Variants in WDPCP observed in about 807,000 individuals in gnomAD.
WDPCP encodes the protein WD repeat containing planar cell polarity effector.
Under a neutral mutation model 93.1 loss-of-function variants are expected in WDPCP, and 71 were observed. That is an observed-to-expected ratio of 0.76 (90% confidence interval 0.63 to 0.93). The LOEUF (loss-of-function observed/expected upper bound fraction) is 0.93. Among genes scored for constraint, WDPCP ranks in the 40% least tolerant of loss-of-function variants. The probability of loss-of-function intolerance (pLI) is 0.00; values close to 1 mark genes in which losing one functional copy is unlikely to be tolerated. For synonymous variants in WDPCP, 315 were observed against 315.0 expected (o/e 1.00, Z 0.00); for missense variants, 844 against 887.4 (o/e 0.95, Z 0.62).
Position 63,216,404 on chromosome 2 carries a change from C to G in WDPCP, c.1916-41572G>C, listed in dbSNP as rs988631464. Among the ~76,000 whole-genome samples, 4 of 152,166 alleles carry G rather than the reference C, an allele frequency of 2.6e-5. No homozygotes were observed. The East Asian group carries it at 7.7e-4, about 29-fold the overall frequency. ...AAAAAAGGATGAGTTCATGTCCATTCTAGGGACATGGATGAAGCTGGAAAC... is the reference window on the plus strand; with the variant it reads ...AAAAAAGGATGAGTTCATGTCCATTGTAGGGACATGGATGAAGCTGGAAAC... On this transcript the variant is annotated intron_variant, in intron 14 of 17. Transcript: ENST00000272321.
intron 13 of WDPCP, among the ~76,000 whole-genome samples, chr2:63,309,868 A>G (rs1414718355): frequency 2.6e-5 from 4 of 152,168 alleles, no homozygotes; most frequent in Admixed American, 6.5e-5. Flanking sequence ...AAAAGAAACC[A>G]CAAGGGAAAT....
chr2:63,276,800 T>C (rs1046883038), intron 13 of WDPCP, among the ~76,000 whole-genome samples: 1 of 152,190 alleles, frequency 6.6e-6, no homozygotes, highest in African/African-American at 2.4e-5. Flanking sequence ...CTGGAAAACA[T>C]ATTTGAGGGA....
At chr2:63,783,512 A>T (rs963376677) in intron 2 of WDPCP, among the ~76,000 whole-genome samples, 6 of 152,216 alleles carry the variant, frequency 3.9e-5, no homozygotes, top group African/African-American at 1.4e-4. Flanking sequence ...AAAGAAATGG[A>T]ATCAAACTAA....
chr2:63,637,703 C>T (rs1709936304), intron 3 of WDPCP, among the ~76,000 whole-genome samples: 1 of 152,114 alleles, frequency 6.6e-6, no homozygotes, highest in Non-Finnish European at 1.5e-5. Context: ...CACTAACCAT[C>T]AGGGAAATGC....
chr2:63,377,016 C>G (rs1400366826), intron 12 of WDPCP, among the ~76,000 whole-genome samples: 1 of 151,780 alleles, frequency 6.6e-6, no homozygotes, highest in Non-Finnish European at 1.5e-5. Flanking sequence ...AGTTACCAAA[C>G]AGTCTACTCT....
intron 12 of WDPCP, among the ~76,000 whole-genome samples, chr2:63,329,676 G>T (rs965451482): frequency 2.6e-5 from 4 of 152,068 alleles, no homozygotes; most frequent in African/African-American, 9.7e-5. Flanking sequence ...TTTTAAATGT[G>T]AAATATCCAA....
In WDPCP at chr2:63,404,051, G is replaced by A; in HGVS notation, c.1432C>T (p.Leu478=). Residue 478 remains leucine (L), a synonymous_variant, in exon 10 of 18, where the codon CTA becomes TTA. Transcript: ENST00000272321. The part of the protein sequence containing the change: ...RGPLGVLLFK[L]GVFTRGQLGL... The stretch of plus-strand genomic sequence containing the variant: ...CTCATCACTTTCCTTGACTTACCTA[G>A]TTTAAACAACAGCACACCCAAAGGT... 6.2e-7 allele frequency: 1 copy of A among 1,614,004 alleles called. No individual in the cohort carries two copies. The highest frequency in any genetic ancestry group is 8.5e-7 in the Non-Finnish European group (1 of 1,179,948).
At chr2:63,530,908 T>G (rs1703783760) in intron 1 of WDPCP, among the ~76,000 whole-genome samples, 1 of 152,142 alleles carries the variant, frequency 6.6e-6, no homozygotes. Context: ...ATCCAGGAAG[T>G]GCAAGGGGTT....
chr2:63,385,800 G>A (rs1284715167), intron 10 of WDPCP, among the ~76,000 whole-genome samples: 2 of 151,786 alleles, frequency 1.3e-5, no homozygotes, highest in Non-Finnish European at 2.9e-5. Flanking sequence ...CAAAATAATA[G>A]GAAAAAGAAG....
At chr2:63,178,594 C>CT (rs1345077292) in intron 14 of WDPCP, among the ~76,000 whole-genome samples, 2 of 151,546 alleles carry the variant, frequency 1.3e-5, no homozygotes, top group African/African-American at 2.4e-5. Context: ...AGTCTTCTCT[C>CT]TTTTTTTTAA....
At position 63,121,234 on chromosome 2, in the gene WDPCP, CAT is replaced by C. The variant is rs1001734210; in HGVS notation, c.*770_*771del. 1 of 152,094 alleles carries C rather than the reference CAT, an allele frequency of 6.6e-6. No homozygotes were observed. Among genetic ancestry groups the C allele is most frequent in the African/African-American group, 2.4e-5 (1 of 41,388 alleles). 9.4% of individuals were successfully genotyped at this position (152,094 alleles called of 1,614,324 possible). ...TAAGGGGCAGTCAGGGCAAATTACT[CAT>C]AGCAGTAATTCGAGAGAACCATGGA... On this transcript the variant is annotated 3_prime_UTR_variant, in exon 18 of 18. Coordinates refer to ENST00000272321, the MANE Select transcript of WDPCP (RefSeq NM_015910.7).
intron 2 of WDPCP, among the ~76,000 whole-genome samples, chr2:63,667,871 C>T (rs75885988): frequency 0.016 from 2,372 of 152,250 alleles, 31 homozygotes; most frequent in Middle Eastern, 0.051. Context: ...CCCCATGCTC[C>T]AGTCCCTTCT....
At chr2:63,336,929 C>G (rs868433055) in intron 12 of WDPCP, among the ~76,000 whole-genome samples, 21 of 144,512 alleles carry the variant, frequency 1.5e-4, no homozygotes, top group Admixed American at 2.1e-4. Flanking sequence ...GAGTCTCGCT[C>G]TGTCACCAGG....
At chr2:63,564,817 G>C (rs4671066) in intron 1 of WDPCP, among the ~76,000 whole-genome samples, 1 of 147,826 alleles carries the variant, frequency 6.8e-6, no homozygotes, top group Non-Finnish European at 1.5e-5. Flanking sequence ...TTGCTCTGTC[G>C]CCCAGGTTGG....
In WDPCP at chr2:63,700,660, C is replaced by T. The variant is rs116132665; in HGVS notation, n.309-49822G>A. Among the ~76,000 whole-genome samples, 958 of 152,162 alleles carry T rather than the reference C, an allele frequency of 6.3e-3. 13 individuals carry two copies. The highest frequency in any genetic ancestry group is 0.022 in the African/African-American group (927 of 41,480). On this transcript the variant is annotated intron_variant and non_coding_transcript_variant, in intron 2 of 4. Coordinates refer to the WDPCP transcript ENST00000467687. ...GTTTTGATACCCAGCATGGTACTCA[C>T]ATAAAAACAGACACACAAACCAAAG...
intron 3 of WDPCP, among the ~76,000 whole-genome samples, chr2:63,648,099 C>G (rs1420873934): frequency 1.3e-5 from 2 of 152,146 alleles, no homozygotes; most frequent in Non-Finnish European, 2.9e-5. Flanking sequence ...GCCCGTCTGC[C>G]TATAGGAGAG....
chr2:63,559,880 T>C (rs1482039698), intron 1 of WDPCP, among the ~76,000 whole-genome samples: 1 of 152,200 alleles, frequency 6.6e-6, no homozygotes, highest in Non-Finnish European at 1.5e-5. Flanking sequence ...ATAGATTCAA[T>C]GTTATTCCCA....
intron 9 of WDPCP, 65 bp from the exon 10 acceptor site, chr2:63,404,722 A>T: frequency 6.3e-7 from 1 of 1,586,912 alleles, no homozygotes; most frequent in Non-Finnish European, 8.6e-7. Context: ...CACACCTAGG[A>T]CTGCATATTT....
At chr2:63,771,601 T>A (rs1670227310) in intron 2 of WDPCP, among the ~76,000 whole-genome samples, 1 of 151,928 alleles carries the variant, frequency 6.6e-6, no homozygotes, top group East Asian at 1.9e-4. Context: ...CTGGGTTAAT[T>A]GTTATATTGC....
Sources: gnomAD v4.1 joint callset for allele counts (sites outside exome capture counted in the v4.1 genomes callset) on GRCh38, gnomAD v4.1.1 for gene constraint, MANE v1.5 for transcripts, NCBI Gene and HGNC (gene_info 2026-07-23, HGNC 2026-07-21) for gene names.